Variants in PACRG observed in about 807,000 individuals in gnomAD.
PACRG encodes parkin coregulated.
PACRG carries 29 observed loss-of-function variants against 29.7 expected under a neutral mutation model. The observed-to-expected ratio is 0.98, with a 90% CI of 0.73 to 1.33. The LOEUF is 1.33. Ranked by LOEUF, PACRG falls within the 40% of genes most tolerant of loss-of-function variation. PACRG has a pLI of 0.00. For missense variants in PACRG, 279 were observed against 316.2 expected (o/e 0.88, Z 0.89); for synonymous variants, 116 against 118.7 (o/e 0.98, Z 0.15).
intron 2 of PACRG, among the ~76,000 whole-genome samples, chr6:162,963,500 T>A (rs1800795516): frequency 1.3e-5 from 2 of 151,710 alleles, no homozygotes; most frequent in South Asian, 4.1e-4. Flanking sequence ...ATAGTATGTC[T>A]ATTTGTGTCT....
intron 2 of PACRG, among the ~76,000 whole-genome samples, chr6:162,946,615 A>G (rs1799028992): frequency 6.6e-6 from 1 of 152,132 alleles, no homozygotes; most frequent in Admixed American, 6.6e-5. Flanking sequence ...AAGAGGAGAG[A>G]ATTCTCATTA....
chr6:163,255,798 G>A (rs1562341850), intron 4 of PACRG, among the ~76,000 whole-genome samples: 1 of 152,100 alleles, frequency 6.6e-6, no homozygotes, highest in Non-Finnish European at 1.5e-5. Context: ...ACCACACCCA[G>A]CTAATTTTTG....
At chr6:163,196,573 A>G (rs769573358) in intron 4 of PACRG, among the ~76,000 whole-genome samples, 5 of 152,224 alleles carry the variant, frequency 3.3e-5, no homozygotes, top group Non-Finnish European at 7.3e-5. Context: ...TGATGGTTCA[A>G]TAAATGTTAC....
intron 1 of PACRG, among the ~76,000 whole-genome samples, chr6:162,776,485 G>A (rs1215444026): frequency 6.6e-6 from 1 of 152,148 alleles, no homozygotes; most frequent in South Asian, 2.1e-4. Flanking sequence ...GAGCAGAGCA[G>A]CAACCCCCTC....
At chr6:162,896,717 A>C (rs1490660477) in intron 2 of PACRG, among the ~76,000 whole-genome samples, 3 of 152,240 alleles carry the variant, frequency 2.0e-5, no homozygotes, top group Non-Finnish European at 4.4e-5. Flanking sequence ...AATCTGTAGC[A>C]ATTTAGTAAG....
intron 2 of PACRG, among the ~76,000 whole-genome samples, chr6:162,874,951 A>C (rs903597283): frequency 1.3e-5 from 2 of 152,032 alleles, no homozygotes; most frequent in Non-Finnish European, 2.9e-5. Flanking sequence ...TCACACAGTC[A>C]CATGCCTCCG....
At chr6:162,841,336 G>T (rs1399646451) in intron 2 of PACRG, among the ~76,000 whole-genome samples, 1 of 150,764 alleles carries the variant, frequency 6.6e-6, no homozygotes, top group Non-Finnish European at 1.5e-5. Context: ...GAGTGTATGT[G>T]TCGAGGAATT....
upstream of PACRG, chr6:162,727,908 G>C: frequency 1.7e-6 from 1 of 591,890 alleles, no homozygotes; most frequent in South Asian, 2.0e-5. Context: ...CGCCCTTTCC[G>C]GCTTCAGGCC....
chr6:162,850,565 A>C (rs776466382), intron 2 of PACRG, among the ~76,000 whole-genome samples: 1 of 152,172 alleles, frequency 6.6e-6, no homozygotes, highest in Non-Finnish European at 1.5e-5. Flanking sequence ...AATCATGACT[A>C]TGTAATGAAG....
intron 4 of PACRG, among the ~76,000 whole-genome samples, chr6:163,197,841 C>G (rs1200433306): frequency 6.6e-6 from 1 of 152,134 alleles, no homozygotes; most frequent in Non-Finnish European, 1.5e-5. Flanking sequence ...GTTATCTTAT[C>G]TTTCAAAGGA....
intron 2 of PACRG, among the ~76,000 whole-genome samples, chr6:163,056,445 T>G (rs1810599086): frequency 1.3e-5 from 2 of 152,186 alleles, no homozygotes; most frequent in Admixed American, 6.5e-5. Flanking sequence ...AACCTACCCC[T>G]AAGTTGGAGG....
At chr6:163,046,831 A>T (rs915447309) in intron 2 of PACRG, 1 of 152,150 alleles carries the variant, frequency 6.6e-6, no homozygotes, top group East Asian at 1.9e-4. Flanking sequence ...TTTTTGCTTT[A>T]GCAAAATTTG....
At chr6:162,929,293 G>A (rs139690968) in intron 2 of PACRG, among the ~76,000 whole-genome samples, 2,261 of 151,800 alleles carry the variant, frequency 0.015, 76 homozygotes, top group Admixed American at 0.081. Context: ...TTCCTTTTTG[G>A]TAAAAGGCAT....
chr6:163,133,531 C>T (rs187245382), intron 4 of PACRG, among the ~76,000 whole-genome samples: 464 of 152,246 alleles, frequency 3.0e-3, no homozygotes, highest in Middle Eastern at 0.01. Flanking sequence ...TAGAGAGGAG[C>T]CTATTACCCA....
intron 2 of PACRG, among the ~76,000 whole-genome samples, chr6:162,821,245 T>C (rs1180133532): frequency 6.6e-6 from 1 of 152,166 alleles, no homozygotes; most frequent in Non-Finnish European, 1.5e-5. Context: ...CAGAAACAAT[T>C]TTCCCCCAAG....
chr6:163,167,623 A>C (rs189602854), intron 4 of PACRG, among the ~76,000 whole-genome samples: 1 of 152,386 alleles, frequency 6.6e-6, no homozygotes, highest in Admixed American at 6.5e-5. Flanking sequence ...AAAAAGTAAT[A>C]ACATAAAATT....
At chr6:162,976,298 A>G (rs1463146432) in intron 2 of PACRG, among the ~76,000 whole-genome samples, 3 of 152,222 alleles carry the variant, frequency 2.0e-5, no homozygotes, top group African/African-American at 7.2e-5. Flanking sequence ...AAACCATTCA[A>G]AGAGTGGACT....
At chr6:163,311,372 G>A (rs900929923) in intron 4 of PACRG, among the ~76,000 whole-genome samples, 3 of 152,206 alleles carry the variant, frequency 2.0e-5, no homozygotes, top group Admixed American at 6.5e-5. Context: ...AAATTGAAGT[G>A]TCATTTTCCT....
At chr6:163,265,833 C>T (rs573392869) in intron 4 of PACRG, among the ~76,000 whole-genome samples, 48 of 152,218 alleles carry the variant, frequency 3.2e-4, no homozygotes, top group African/African-American at 9.6e-4. Flanking sequence ...AAAATAAACA[C>T]CTAAACTTTT....
Sources: allele counts gnomAD v4.1 joint callset (sites outside exome capture counted in the v4.1 genomes callset), GRCh38; gene constraint gnomAD v4.1.1; transcripts MANE v1.5; gene names NCBI Gene and HGNC (gene_info 2026-07-23, HGNC 2026-07-21).